Variants in MRPL43 observed in about 807,000 individuals in gnomAD.
The protein encoded by MRPL43 is mitochondrial ribosomal protein L43.
In MRPL43, 9 loss-of-function variants were observed where a neutral mutation model predicts 12.7. That is an observed-to-expected ratio of 0.71 (90% CI 0.43 to 1.24). The LOEUF (loss-of-function observed/expected upper bound fraction) is 1.24. Among genes scored for constraint, MRPL43 ranks in the 50% most tolerant of loss-of-function variants. The pLI is 0.00. For synonymous variants in MRPL43, 116 were observed against 96.4 expected (o/e 1.20, Z -1.19); for missense variants, 211 against 229.2 (o/e 0.92, Z 0.51).
At chr10:100,981,561 GT>G, downstream of MRPL43, 1 of 1,613,482 alleles carries the variant, frequency 6.2e-7, no homozygotes, top group Non-Finnish European at 8.5e-7. Context: ...AAGAACAAAA[GT>G]TAATCATCAC....
downstream of MRPL43, chr10:100,984,047 C>G (rs376187099): frequency 3.7e-6 from 6 of 1,613,608 alleles, no homozygotes; most frequent in Non-Finnish European, 5.1e-6. Context: ...CAGGGCCCTG[C>G]TCCTTCGCCG....
downstream of MRPL43, chr10:100,978,850 T>C (rs374767509): frequency 1.7e-5 from 28 of 1,613,568 alleles, no homozygotes; most frequent in Admixed American, 4.2e-4. Flanking sequence ...GACCCACAGA[T>C]GCGGAGTTTG....
chr10:100,980,697 G>C (rs74823068), downstream of MRPL43: 891 of 1,611,902 alleles, frequency 5.5e-4, 8 homozygotes, highest in African/African-American at 0.011. Context: ...ATTGCAGGTA[G>C]CCCTTCTCTG....
At chr10:100,980,113 C>G, downstream of MRPL43, 18 of 1,614,100 alleles carry the variant, frequency 1.1e-5, no homozygotes, top group Non-Finnish European at 1.5e-5. Context: ...CCTTCGTCCC[C>G]CACGCCAGTG....
downstream of MRPL43, chr10:100,984,153 G>C: frequency 3.2e-6 from 5 of 1,583,868 alleles, no homozygotes; most frequent in Non-Finnish European, 3.4e-6. Flanking sequence ...CAGAACAAAT[G>C]CTCTTCCAAG....
At chr10:100,978,715 C>A, downstream of MRPL43, 1 of 1,551,360 alleles carries the variant, frequency 6.4e-7, no homozygotes, top group Non-Finnish European at 8.9e-7. Flanking sequence ...GCCAGCTGAC[C>A]ACCCCACCCC....
downstream of MRPL43, chr10:100,981,515 C>A: frequency 6.2e-7 from 1 of 1,614,096 alleles, no homozygotes; most frequent in South Asian, 1.1e-5. Flanking sequence ...GGTATTTCCC[C>A]AAGGAAGATC....
At chr10:100,986,034 C>T (rs1032925399), downstream of MRPL43, among the ~76,000 whole-genome samples, 1 of 152,138 alleles carries the variant, frequency 6.6e-6, no homozygotes, top group African/African-American at 2.4e-5. Context: ...GATTTTATTT[C>T]TGCACAAAGA....
At chr10:100,979,401 T>TA (rs1589988610), downstream of MRPL43, 3 of 1,548,308 alleles carry the variant, frequency 1.9e-6, no homozygotes, top group East Asian at 6.8e-5. Context: ...TTTTTTTTTT[T>TA]AAGAGGGAGT....
Position 100,986,305 on chromosome 10 carries a change from T to A in MRPL43, c.*429A>T. ...CTTGGATAAGTTTATTAACCTGTTT[T>A]ATAAATCTGTATTCACACAGATATA... On this transcript the variant is annotated 3_prime_UTR_variant, in exon 3 of 3. Coordinates refer to ENST00000318364, the MANE Select transcript of MRPL43 (RefSeq NM_032112.3). The A allele has an allele frequency of 1.2e-5, 17 of 1,393,738 alleles. No homozygotes were observed. The highest frequency in any genetic ancestry group is 1.6e-5 in the Non-Finnish European group (17 of 1,080,492). The allele number at this position is 1,393,738 out of a possible 1,614,324, so 86.3% of individuals were successfully genotyped here. A position where few individuals can be genotyped will look rare whatever the true frequency, so the allele number is the denominator to read the frequency against.
chr10:100,987,217 A>G, intron 1 of MRPL43, 21 bp from the exon 2 acceptor site: 1 of 1,613,610 alleles, frequency 6.2e-7, no homozygotes, highest in Non-Finnish European at 8.5e-7. Flanking sequence ...CGGGACAGTG[A>G]GCAGTATGAC....
chr10:100,983,916 C>G, downstream of MRPL43: 1 of 1,551,378 alleles, frequency 6.4e-7, no homozygotes, highest in Non-Finnish European at 8.7e-7. Context: ...CCCACCACCC[C>G]CACCGCCCCC....
Position 100,986,689 on chromosome 10 carries a change from G to C in MRPL43, c.*45C>G, listed in dbSNP as rs772222817. 9.3e-6 allele frequency: 15 copies of C among 1,613,754 alleles called. No individual in the cohort carries two copies. In the Admixed American group the frequency reaches 2.3e-4, roughly 25 times the overall value. ...CAAAGGGGAAGAACCACCTTTACCG[G>C]AGTAACAGTCCAAAGCCTGGGGCTG... On this transcript the variant is annotated 3_prime_UTR_variant, in exon 3 of 3. Transcript: ENST00000318364.
chr10:100,987,302 C>T lies in MRPL43; in HGVS notation c.131+11G>A, dbSNP rs375100049. 8 of 1,612,090 alleles carry T rather than the reference C, an allele frequency of 5.0e-6. No individual in the cohort carries two copies. In the African/African-American group the frequency reaches 9.3e-5, roughly 19 times the overall value. On this transcript the variant is annotated intron_variant, in intron 1 of 2. Transcript: ENST00000318364. ...ACCCCGACCCGCGCCTGCGCACTTC[C>T]CTTGGCTCACCTGGCGCCGCGAGAC...
chr10:100,978,088 C>T, downstream of MRPL43: 2 of 586,902 alleles, frequency 3.4e-6, no homozygotes, highest in Non-Finnish European at 3.0e-6. Context: ...AGGTTGGCCA[C>T]TTGCAGATTT....
At chr10:100,979,250 C>G, downstream of MRPL43, 1 of 1,614,212 alleles carries the variant, frequency 6.2e-7, no homozygotes, top group Non-Finnish European at 8.5e-7. Flanking sequence ...TTCTATGCAG[C>G]CTTCACGCTG....
chr10:100,980,423 A>G (rs765798167), downstream of MRPL43: 48 of 1,452,406 alleles, frequency 3.3e-5, no homozygotes, highest in East Asian at 4.6e-5. Flanking sequence ...TGCCATGACT[A>G]GTCTGGAGTT....
downstream of MRPL43, chr10:100,977,846 G>T: frequency 1.1e-6 from 1 of 888,154 alleles, no homozygotes. Context: ...TTTATTAAGG[G>T]GACTTCCATA....
Position 100,987,169 on chromosome 10 carries a change from G to A in MRPL43, c.159C>T (p.Asp53=), listed in dbSNP as rs151081423. 3.0e-5 allele frequency: 48 copies of A among 1,613,754 alleles called. No homozygotes were observed. Among genetic ancestry groups the A allele is most frequent in the Admixed American group, 6.7e-5 (4 of 60,014 alleles). ...CGACCCCTGGATTCCGTCGGGCGAA[G>A]TCGATCACCTCCCGCTCCACGAACT... ...AREFVEREVI[D]FARRNPGVVI... The change falls in exon 2 of 3, where the codon GAC becomes GAT. Residue 53 remains aspartate, a synonymous_variant. Coordinates refer to ENST00000318364, the MANE Select transcript of MRPL43 (RefSeq NM_032112.3).
Sources: allele counts gnomAD v4.1 joint callset (sites outside exome capture counted in the v4.1 genomes callset), GRCh38; gene constraint gnomAD v4.1.1; transcripts MANE v1.5; gene names NCBI Gene and HGNC (gene_info 2026-07-23, HGNC 2026-07-21).